Variants in NRG1 observed in about 807,000 individuals in gnomAD.
The protein encoded by NRG1 is pro-neuregulin-1, membrane-bound isoform.
Under a neutral mutation model 63.8 loss-of-function variants are expected in NRG1, and 18 were observed. The ratio of observed to expected loss-of-function variants is 0.28; its 90% CI spans 0.19 to 0.42. The LOEUF (loss-of-function observed/expected upper bound fraction) is 0.42, where lower values mean the gene tolerates loss of function less well. Among genes scored for constraint, NRG1 ranks in the 10% least tolerant of loss-of-function variants. The probability of loss-of-function intolerance (pLI) is 1.00; values close to 1 mark genes in which losing one functional copy is unlikely to be tolerated. For missense variants in NRG1, 762 were observed against 814.7 expected (o/e 0.94, Z 0.79); for synonymous variants, 302 against 301.3 (o/e 1.00, Z -0.02).
intron 1 of NRG1, among the ~76,000 whole-genome samples, chr8:32,565,076 A>AG (rs1837192492): frequency 6.6e-6 from 1 of 152,048 alleles, no homozygotes; most frequent in Non-Finnish European, 1.5e-5. Context: ...TCTCAAAAAA[A>AG]AATTGTTCTC....
intron 1 of NRG1, among the ~76,000 whole-genome samples, chr8:31,838,999 T>C (rs1021844549): frequency 6.6e-6 from 1 of 152,178 alleles, no homozygotes; most frequent in Non-Finnish European, 1.5e-5. Flanking sequence ...GACTTTTCCC[T>C]TGAAATGTAG....
chr8:32,749,448 T>G (rs776095698), intron 7 of NRG1: 2 of 1,079,552 alleles, frequency 1.9e-6, no homozygotes. Context: ...TCAATGTGCA[T>G]GCACAGAGAG....
At chr8:32,220,087 G>C (rs539755835) in intron 1 of NRG1, among the ~76,000 whole-genome samples, 1 of 152,130 alleles carries the variant, frequency 6.6e-6, no homozygotes, top group South Asian at 2.1e-4. Flanking sequence ...GGGGAAGGCG[G>C]GGGTGCTCTT....
intron 5 of NRG1, among the ~76,000 whole-genome samples, chr8:32,681,358 A>C (rs1808568594): frequency 6.6e-6 from 1 of 152,124 alleles, no homozygotes; most frequent in Non-Finnish European, 1.5e-5. Flanking sequence ...TTTTTCATTT[A>C]AGTACAATGA....
At chr8:31,806,558 C>T (rs1822307627) in intron 1 of NRG1, among the ~76,000 whole-genome samples, 2 of 152,130 alleles carry the variant, frequency 1.3e-5, no homozygotes, top group African/African-American at 2.4e-5. Context: ...TAAGATGCTG[C>T]AATTTATTTA....
At chr8:32,221,098 A>G (rs1481169040) in intron 1 of NRG1, 3 of 152,192 alleles carry the variant, frequency 2.0e-5, no homozygotes, top group African/African-American at 7.2e-5. Flanking sequence ...AAAAAAAGAA[A>G]TGAAATGATT....
intron 5 of NRG1, among the ~76,000 whole-genome samples, chr8:32,718,315 T>C (rs1026546112): frequency 6.6e-6 from 1 of 152,170 alleles, no homozygotes; most frequent in Non-Finnish European, 1.5e-5. Flanking sequence ...AGCAGTTAGC[T>C]CTTCTCAAAT....
intron 1 of NRG1, among the ~76,000 whole-genome samples, chr8:32,573,466 A>G (rs993544641): frequency 1.3e-5 from 2 of 152,304 alleles, no homozygotes; most frequent in Non-Finnish European, 1.5e-5. Context: ...AAGAGATACT[A>G]TTATCCCAAT....
intron 5 of NRG1, among the ~76,000 whole-genome samples, chr8:32,695,009 A>G (rs540570917): frequency 8.1e-4 from 124 of 152,276 alleles, no homozygotes; most frequent in African/African-American, 2.9e-3. Flanking sequence ...AAATTTTAGC[A>G]CACTGATCAA....
intron 1 of NRG1, among the ~76,000 whole-genome samples, chr8:31,920,218 A>G (rs1041269443): frequency 6.6e-6 from 1 of 152,146 alleles, no homozygotes; most frequent in East Asian, 1.9e-4. Flanking sequence ...GTAGATTAGA[A>G]TTGTGATACT....
At chr8:32,320,013 T>C (rs181934544) in intron 1 of NRG1, among the ~76,000 whole-genome samples, 7 of 152,258 alleles carry the variant, frequency 4.6e-5, no homozygotes, top group Admixed American at 4.6e-4. Context: ...CCTAAGATTT[T>C]GAACCCAGGA....
chr8:32,510,183 A>C (rs1829009592), intron 1 of NRG1, among the ~76,000 whole-genome samples: 1 of 151,490 alleles, frequency 6.6e-6, no homozygotes, highest in Non-Finnish European at 1.5e-5. Flanking sequence ...GAAAGAAAAA[A>C]GAAAGAAAAG....
chr8:32,307,782 G>T (rs1856380617), intron 1 of NRG1, among the ~76,000 whole-genome samples: 1 of 152,162 alleles, frequency 6.6e-6, no homozygotes, highest in South Asian at 2.1e-4. Context: ...GAGCATGGCT[G>T]CAGGGTACTC....
chr8:32,219,613 T>C (rs552140502), intron 1 of NRG1, among the ~76,000 whole-genome samples: 3 of 152,222 alleles, frequency 2.0e-5, no homozygotes, highest in Non-Finnish European at 4.4e-5. Flanking sequence ...CTTAAGATGC[T>C]GAAACACTGG....
Position 32,284,489 on chromosome 8 carries a change from G to GCCTGCCTTCCTTCCTTCCTT in NRG1, c.38-311336_38-311335insGCCTTCCTTCCTTCCTTCCT, listed in dbSNP as rs1338557078. On this transcript the variant is annotated intron_variant, in intron 1 of 10. Coordinates refer to the NRG1 transcript ENST00000519301. ...ATAATGCTTGCCTCCCTGCCTGCCT[G>GCCTGCCTTCCTTCCTTCCTT]CCTTCCTTCCTTCCTTCCTTCCTTC... Among the ~76,000 whole-genome samples, 1,204 of 132,522 alleles carry GCCTGCCTTCCTTCCTTCCTT rather than the reference G, an allele frequency of 9.1e-3. 12 individuals are homozygous for GCCTGCCTTCCTTCCTTCCTT. Among genetic ancestry groups the GCCTGCCTTCCTTCCTTCCTT allele is most frequent in the Non-Finnish European group, 0.013 (804 of 62,780 alleles). The allele number at this position is 132,522 out of a possible 152,430, so 86.9% of individuals were successfully genotyped here. A position where few individuals can be genotyped will look rare whatever the true frequency, so the allele number is the denominator to read the frequency against.
At chr8:32,233,563 A>ATAT (rs34593729) in intron 1 of NRG1, among the ~76,000 whole-genome samples, 781 of 67,192 alleles carry the variant, frequency 0.012, 9 homozygotes, top group Middle Eastern at 0.022. Context: ...ATATATATAT[A>ATAT]TTTTTTTTTT....
chr8:31,930,826 A>G lies in NRG1; in HGVS notation c.37+291395A>G, dbSNP rs913315675. On this transcript the variant is annotated intron_variant, in intron 1 of 10. Coordinates refer to the NRG1 transcript ENST00000519301. ...TTTTATAAAATTTGAACTGCACTAT[A>G]TGAATGAAGAATCATCTGTAGCAAT... Among the ~76,000 whole-genome samples, 13 of 152,290 alleles carry G rather than the reference A, an allele frequency of 8.5e-5. No homozygotes were observed. The East Asian group carries it at 1.5e-3, about 18-fold the overall frequency.
intron 1 of NRG1, among the ~76,000 whole-genome samples, chr8:32,056,852 C>A (rs1484429374): frequency 6.6e-6 from 1 of 152,080 alleles, no homozygotes; most frequent in Non-Finnish European, 1.5e-5. Context: ...TTAAAAAATG[C>A]TAAAAGCTGG....
intron 1 of NRG1, among the ~76,000 whole-genome samples, chr8:31,969,055 T>G (rs1158308470): frequency 6.6e-6 from 1 of 152,300 alleles, no homozygotes; most frequent in South Asian, 2.1e-4. Context: ...AAACCACCAG[T>G]GAGTTGATTG....
Sources: gnomAD v4.1 joint callset for allele counts (sites outside exome capture counted in the v4.1 genomes callset) on GRCh38, gnomAD v4.1.1 for gene constraint, MANE v1.5 for transcripts, NCBI Gene and HGNC (gene_info 2026-07-23, HGNC 2026-07-21) for gene names.